Variants in TGM7 observed in about 807,000 individuals in gnomAD.
The protein encoded by TGM7 is protein-glutamine gamma-glutamyltransferase Z.
TGM7 carries 74 observed loss-of-function variants against 79.5 expected under a neutral mutation model. That is an observed-to-expected ratio of 0.93 (90% confidence interval 0.77 to 1.13). The LOEUF (loss-of-function observed/expected upper bound fraction) is 1.13. TGM7 is among the 50% of genes most tolerant of loss of function. The pLI, the probability that TGM7 is intolerant of heterozygous loss-of-function variation, is 0.00. For synonymous variants in TGM7, 354 were observed against 362.5 expected (o/e 0.98, Z 0.27); for missense variants, 912 against 905.9 (o/e 1.01, Z -0.09).
intron 11 of TGM7, among the ~76,000 whole-genome samples, chr15:43,278,856 A>G (rs965469885): frequency 3.9e-5 from 6 of 152,178 alleles, no homozygotes; most frequent in Non-Finnish European, 1.5e-5. Flanking sequence ...TTGCAAAATG[A>G]TTTCCTTACT....
chr15:43,287,172 A>C, intron 6 of TGM7, 108 bp downstream of exon 6: 2 of 1,353,302 alleles, frequency 1.5e-6, no homozygotes, highest in East Asian at 5.0e-5. Context: ...GGTGCCCACC[A>C]CCCCCAGCTG....
At chr15:43,297,587 T>TGGAA (rs1555386111) in intron 1 of TGM7, among the ~76,000 whole-genome samples, 52 of 114,568 alleles carry the variant, frequency 4.5e-4, no homozygotes, top group African/African-American at 1.8e-3. Context: ...TCTGCATGTA[T>TGGAA]AGAAAGAAAG....
chr15:43,294,032 A>G (rs1363503017), intron 1 of TGM7, among the ~76,000 whole-genome samples: 1 of 152,076 alleles, frequency 6.6e-6, no homozygotes, highest in Non-Finnish European at 1.5e-5. Flanking sequence ...AAACAATTCC[A>G]GATAACCGAA....
chr15:43,291,945 C>A (rs775742555), intron 4 of TGM7, 34 bp downstream of exon 4: 13 of 1,532,696 alleles, frequency 8.5e-6, no homozygotes, highest in Non-Finnish European at 1.2e-5. Context: ...CCTTAGGGAG[C>A]CCACCCCAGG....
rs998401720 is a variant in TGM7, at chr15:43,293,620, G to T, written c.22C>A (p.Arg8=). 1 of 1,605,242 alleles carries T rather than the reference G, an allele frequency of 6.2e-7. No homozygotes were observed. The highest frequency in any genetic ancestry group is 8.5e-7 in the Non-Finnish European group (1 of 1,177,512). The change falls in exon 2 of 13, where the codon CGG becomes AGG. Residue 8 remains arginine, a synonymous_variant. Transcript: ENST00000452443. ...CTCTGCAGGTCGACAGACTCAAGCC[G>T]CAAGGTTGCCACTAGGGGAGAGGAG... The part of the protein sequence containing the change: MDQVATL[R]LESVDLQSSR...
chr15:43,297,606 AAAGAAAGAAAG>A (rs1050933834), intron 1 of TGM7, among the ~76,000 whole-genome samples: 11 of 149,698 alleles, frequency 7.3e-5, no homozygotes, highest in African/African-American at 2.7e-4. Context: ...AGAAAGAAAG[AAAGAAAGAAAG>A]AAAGAAAGAA....
intron 1 of TGM7, among the ~76,000 whole-genome samples, chr15:43,295,003 G>A (rs528690611): frequency 5.3e-5 from 8 of 151,968 alleles, no homozygotes; most frequent in African/African-American, 1.9e-4. Flanking sequence ...CTGGGCTCAA[G>A]TGATCCTCCC....
chr15:43,292,931 C>T lies in TGM7; in HGVS notation c.217G>A (p.Gly73Arg), dbSNP rs2042971365. 1 of 1,613,362 alleles carries T rather than the reference C, an allele frequency of 6.2e-7. No individual in the cohort carries two copies. The change falls in exon 3 of 13, where the codon GGG becomes AGG. Residue 73 changes from glycine to arginine, a missense_variant. Physicochemically the swap from Gly to Arg is moderately radical, Grantham distance 125. Transcript: ENST00000452443. ...ETGPKPSELL[G>R]TRATFFLTRV... ...GTGAGGAAGAATGTGGCTCGGGTCC[C>T]CAGCAGCTCTGACGGCTTGGGTCCT...
intron 7 of TGM7, among the ~76,000 whole-genome samples, chr15:43,284,036 T>TA (rs1198187551): frequency 6.6e-6 from 1 of 152,146 alleles, no homozygotes; most frequent in Non-Finnish European, 1.5e-5. Context: ...CCGTCTCTAC[T>TA]AAAAATACAA....
intron 9 of TGM7, among the ~76,000 whole-genome samples, chr15:43,281,149 C>T (rs987217489): frequency 2.0e-5 from 3 of 152,262 alleles, no homozygotes; most frequent in African/African-American, 7.2e-5. Context: ...TTTCTATGGA[C>T]ACTCATTTAA....
chr15:43,286,603 C>G (rs2042936780), intron 6 of TGM7, among the ~76,000 whole-genome samples: 1 of 152,204 alleles, frequency 6.6e-6, no homozygotes, highest in Non-Finnish European at 1.5e-5. Flanking sequence ...TCTGCTCCTC[C>G]TTTCTCCAAC....
intron 11 of TGM7, among the ~76,000 whole-genome samples, chr15:43,277,551 G>A (rs1026344491): frequency 4.6e-5 from 7 of 152,170 alleles, no homozygotes; most frequent in East Asian, 1.9e-4. Flanking sequence ...CTTTCCCCAC[G>A]CTGCTGTGTC....
At chr15:43,289,328 C>A (rs1387258098) in intron 4 of TGM7, among the ~76,000 whole-genome samples, 1 of 151,960 alleles carries the variant, frequency 6.6e-6, no homozygotes, top group African/African-American at 2.4e-5. Flanking sequence ...TTTTTTTGTC[C>A]TTGTGATAGT....
At chr15:43,302,184 T>C in intron 1 of TGM7, 57 bp downstream of exon 1, 2 of 1,611,484 alleles carry the variant, frequency 1.2e-6, no homozygotes, top group African/African-American at 2.7e-5. Context: ...CTCTCCAAAC[T>C]TCTCCCCTCT....
intron 7 of TGM7, 63 bp from the exon 8 acceptor site, chr15:43,282,683 C>A: frequency 8.1e-7 from 1 of 1,233,068 alleles, no homozygotes; most frequent in Non-Finnish European, 1.2e-6. Context: ...GTACCAGGCA[C>A]TATACGGAGT....
chr15:43,290,530 AT>A (rs1464405318), intron 4 of TGM7, among the ~76,000 whole-genome samples: 3 of 152,182 alleles, frequency 2.0e-5, no homozygotes, highest in East Asian at 1.9e-4. Context: ...TTGGCTTAGG[AT>A]TGACTTGGCA....
intron 4 of TGM7, among the ~76,000 whole-genome samples, chr15:43,290,976 G>A (rs1057366161): frequency 3.1e-4 from 47 of 152,226 alleles, no homozygotes; most frequent in African/African-American, 1.1e-3. Flanking sequence ...GAGACGTTGG[G>A]GTTTTCTAGA....
At chr15:43,300,749 C>T (rs930572611) in intron 1 of TGM7, among the ~76,000 whole-genome samples, 3 of 152,124 alleles carry the variant, frequency 2.0e-5, no homozygotes, top group African/African-American at 7.2e-5. Flanking sequence ...TGCAGTGAAC[C>T]GAGATTGCGC....
At chr15:43,277,719 A>T (rs535224155) in intron 11 of TGM7, among the ~76,000 whole-genome samples, 1 of 152,210 alleles carries the variant, frequency 6.6e-6, no homozygotes, top group Non-Finnish European at 1.5e-5. Context: ...CAGATGATGG[A>T]TATCAGTAAG....
Sources: gnomAD v4.1 joint callset for allele counts (sites outside exome capture counted in the v4.1 genomes callset) on GRCh38, gnomAD v4.1.1 for gene constraint, MANE v1.5 for transcripts, NCBI Gene and HGNC (gene_info 2026-07-23, HGNC 2026-07-21) for gene names.